SMURF2: variants seen among roughly 807,000 people sequenced by gnomAD.
SMURF2 encodes SMAD specific E3 ubiquitin protein ligase 2, also known as E3 ubiquitin-protein ligase SMURF2.
A neutral mutation model predicts 109.6 loss-of-function variants in SMURF2; 48 were observed. The ratio of observed to expected loss-of-function variants is 0.44; its 90% CI spans 0.35 to 0.56. The LOEUF (loss-of-function observed/expected upper bound fraction) is 0.56. SMURF2 is among the 20% of genes least tolerant of loss of function. The pLI, the probability that SMURF2 is intolerant of heterozygous loss-of-function variation, is 0.01. For missense variants in SMURF2, 575 were observed against 909.0 expected (o/e 0.63, Z 4.72); for synonymous variants, 288 against 317.1 (o/e 0.91, Z 0.97).
chr17:64,632,520 G>A (rs1970365070), intron 1 of SMURF2, among the ~76,000 whole-genome samples: 1 of 152,140 alleles, frequency 6.6e-6, no homozygotes, highest in African/African-American at 2.4e-5. Context: ...AAAGAGAGAT[G>A]GGCAGGAAAC....
intron 8 of SMURF2, 78 bp downstream of exon 8, chr17:64,580,711 T>C: frequency 1.4e-6 from 2 of 1,416,044 alleles, no homozygotes; most frequent in South Asian, 2.4e-5. Context: ...AATAACTTTT[T>C]CAAAATATAT....
intron 1 of SMURF2, among the ~76,000 whole-genome samples, chr17:64,624,315 G>A (rs1464914613): frequency 6.6e-6 from 1 of 151,630 alleles, no homozygotes. Flanking sequence ...TGGGCAACAT[G>A]GTGAAACCTC....
intron 1 of SMURF2, among the ~76,000 whole-genome samples, chr17:64,630,518 G>A (rs553262565): frequency 6.4e-4 from 97 of 152,230 alleles, no homozygotes; most frequent in African/African-American, 2.2e-3. Flanking sequence ...CCAAACTGGC[G>A]CAACAGGTTA....
intron 5 of SMURF2, among the ~76,000 whole-genome samples, chr17:64,587,324 C>T (rs1450191668): frequency 7.2e-5 from 11 of 152,086 alleles, no homozygotes; most frequent in East Asian, 3.9e-4. Context: ...CCACAAAGAA[C>T]GAAGAAGGAA....
intron 1 of SMURF2, among the ~76,000 whole-genome samples, chr17:64,618,229 T>A (rs1970152303): frequency 6.6e-6 from 1 of 152,136 alleles, no homozygotes; most frequent in Admixed American, 6.6e-5. Context: ...GCCCAAGAGT[T>A]AGAGACCAGC....
At chr17:64,582,228 T>C (rs1969587852) in intron 7 of SMURF2, among the ~76,000 whole-genome samples, 1 of 152,178 alleles carries the variant, frequency 6.6e-6, no homozygotes, top group Non-Finnish European at 1.5e-5. Flanking sequence ...AGAGAAAACC[T>C]TGTGATCCAA....
rs1555687875 is a variant in SMURF2 at position 64,593,605 on chromosome 17, G to C, written c.201-32C>G. ...AACAAAACGGCTGCATGAGTAACTT[G>C]GTAGTTACAGGCAGTTGGCGTAAAA... On this transcript the variant is annotated intron_variant, in intron 3 of 18. Transcript: ENST00000262435. 4 of 1,470,142 alleles carry C rather than the reference G, an allele frequency of 2.7e-6. 1 individual carries two copies. In the South Asian group the frequency reaches 6.2e-5, roughly 23 times the overall value. 91.1% of individuals were successfully genotyped at this position (1,470,142 alleles called of 1,614,324 possible).
chr17:64,605,303 A>G (rs1555688931), intron 2 of SMURF2, among the ~76,000 whole-genome samples: 1 of 152,224 alleles, frequency 6.6e-6, no homozygotes, highest in Non-Finnish European at 1.5e-5. Flanking sequence ...TATAAGCAGA[A>G]AGATAACCAT....
intron 1 of SMURF2, among the ~76,000 whole-genome samples, chr17:64,608,005 A>G (rs1969994457): frequency 7.0e-6 from 1 of 142,306 alleles, no homozygotes; most frequent in South Asian, 2.2e-4. Flanking sequence ...TCATAAATAA[A>G]TAAATAAATA....
chr17:64,582,668 G>A (rs917962071), intron 7 of SMURF2, among the ~76,000 whole-genome samples: 17 of 152,072 alleles, frequency 1.1e-4, no homozygotes, highest in South Asian at 2.1e-4. Context: ...GCGCAATCTC[G>A]GCTCACTGCA....
rs1434116750 is a variant in SMURF2, at chr17:64,563,123, T to C, written c.1017-157A>G. The C allele has an allele frequency of 5.2e-6, 3 of 577,316 alleles. No individual in the cohort carries two copies. The Admixed American group carries it at 9.4e-5, about 18-fold the overall frequency. The allele number at this position is 577,316 out of a possible 1,614,324, so 35.8% of individuals were successfully genotyped here. On this transcript the variant is annotated intron_variant, in intron 10 of 18. Transcript: ENST00000262435. ...TTGGCTTGACATTTTTTGGCAGCAA[T>C]AAACCAGCTACAAAGTTTATTTCTC...
Position 64,606,603 on chromosome 17 carries a change from GA to G in SMURF2, c.89del (p.Phe30SerfsTer24). The G allele has an allele frequency of 6.5e-7, 1 of 1,536,580 alleles. No individual in the cohort carries two copies. Among genetic ancestry groups the G allele is most frequent in the South Asian group, 1.2e-5 (1 of 81,790 alleles). ...CAKNLVKKDFFRLPDPFAKVV... is the reference protein window; with the variant it reads ...CAKNLVKKDFXRLPDPFAKVV... Reference sequence around the variant, plus strand: ...AAGATTTAAAGTTAATTTACTTACGGAAAAAATCCTTTTTCACCAGGTTTTT... The same window carrying G: ...AAGATTTAAAGTTAATTTACTTACGGAAAAATCCTTTTTCACCAGGTTTTT... On this transcript the variant is annotated frameshift_variant and splice_region_variant, in exon 2 of 19. Coordinates refer to ENST00000262435, the MANE Select transcript of SMURF2 (RefSeq NM_022739.4). LOFTEE classifies it high-confidence loss of function.
chr17:64,548,521 G>A (rs539828493), intron 16 of SMURF2, among the ~76,000 whole-genome samples: 106 of 152,206 alleles, frequency 7.0e-4, no homozygotes, highest in African/African-American at 2.1e-3. Context: ...CCAAGTAGCT[G>A]GGATTACAGG....
chr17:64,570,347 G>A (rs183812422), intron 10 of SMURF2, among the ~76,000 whole-genome samples: 5 of 152,164 alleles, frequency 3.3e-5, no homozygotes, highest in African/African-American at 1.2e-4. Flanking sequence ...GAATTATTCA[G>A]GGGTCAGAGT....
At chr17:64,578,979 C>T (rs1308749746) in intron 8 of SMURF2, among the ~76,000 whole-genome samples, 1 of 152,156 alleles carries the variant, frequency 6.6e-6, no homozygotes, top group Middle Eastern at 3.2e-3. Context: ...GTTGATAATG[C>T]TTATTATGCC....
At chr17:64,578,393 T>C (rs1568181536) in intron 9 of SMURF2, 99 bp downstream of exon 9, 14 of 778,650 alleles carry the variant, frequency 1.8e-5, no homozygotes, top group South Asian at 6.8e-5. Flanking sequence ...AACTTTTACA[T>C]AAACTATTTT....
In SMURF2 at chr17:64,595,535, G is replaced by A. The variant is rs142663860; in HGVS notation, c.201-1962C>T. Reference sequence around the variant, plus strand: ...TAAACAAGTTTCAGGATGTTTTGTTGAAAGGGAGAGAGGGACACCTCTATA... The same window carrying A: ...TAAACAAGTTTCAGGATGTTTTGTTAAAAGGGAGAGAGGGACACCTCTATA... On this transcript the variant is annotated intron_variant, in intron 3 of 18. Transcript: ENST00000262435. Among the ~76,000 whole-genome samples, 7 of 152,272 alleles carry A rather than the reference G, an allele frequency of 4.6e-5. No individual in the cohort carries two copies. In the East Asian group the frequency reaches 1.2e-3, roughly 25 times the overall value.
At chr17:64,603,600 A>C (rs974268482) in intron 2 of SMURF2, among the ~76,000 whole-genome samples, 41 of 151,552 alleles carry the variant, frequency 2.7e-4, no homozygotes, top group Admixed American at 8.5e-4. Context: ...AAAAAAAAAA[A>C]CATAATGAAT....
chr17:64,616,325 A>G (rs1169823592), intron 1 of SMURF2, among the ~76,000 whole-genome samples: 5 of 152,240 alleles, frequency 3.3e-5, no homozygotes, highest in Admixed American at 2.6e-4. Flanking sequence ...ACTGAGATTC[A>G]GGCATAGAGA....
Sources: allele counts gnomAD v4.1 joint callset (sites outside exome capture counted in the v4.1 genomes callset), GRCh38; gene constraint gnomAD v4.1.1; transcripts MANE v1.5; gene names NCBI Gene and HGNC (gene_info 2026-07-23, HGNC 2026-07-21).